Variants in MAGI2 observed in about 807,000 individuals in gnomAD.
MAGI2 encodes the protein membrane associated guanylate kinase, WW and PDZ domain containing 2.
A neutral mutation model predicts 133.3 loss-of-function variants in MAGI2; 35 were observed. The observed-to-expected ratio is 0.26, with a 90% confidence interval of 0.20 to 0.35. MAGI2 has a LOEUF of 0.35. MAGI2 is among the 10% of genes least tolerant of loss of function. The pLI, the probability that MAGI2 is intolerant of heterozygous loss-of-function variation, is 1.00. For missense variants in MAGI2, 1,636 were observed against 1,863.4 expected (o/e 0.88, Z 2.25); for synonymous variants, 729 against 710.6 (o/e 1.03, Z -0.41).
intron 7 of MAGI2, among the ~76,000 whole-genome samples, chr7:78,348,974 A>T (rs1791206718): frequency 6.6e-6 from 1 of 152,224 alleles, no homozygotes; most frequent in Non-Finnish European, 1.5e-5. Flanking sequence ...CACCGAAGCC[A>T]GTTGTTTAGA....
At chr7:79,005,050 C>G (rs1425687144) in intron 2 of MAGI2, among the ~76,000 whole-genome samples, 1 of 150,604 alleles carries the variant, frequency 6.6e-6, no homozygotes, top group Non-Finnish European at 1.5e-5. Context: ...CCATTGCACT[C>G]CAGCCTGGGT....
At chr7:78,270,345 A>C (rs1484290396) in intron 9 of MAGI2, among the ~76,000 whole-genome samples, 3 of 152,118 alleles carry the variant, frequency 2.0e-5, no homozygotes. Context: ...GAGTCTATAA[A>C]TTATCTTGGG....
At chr7:79,451,621 C>CA (rs1849257355) in intron 1 of MAGI2, among the ~76,000 whole-genome samples, 1 of 152,180 alleles carries the variant, frequency 6.6e-6, no homozygotes, top group Non-Finnish European at 1.5e-5. Context: ...AAACCTTGCC[C>CA]AGTACTTCTT....
intron 2 of MAGI2, among the ~76,000 whole-genome samples, chr7:78,734,587 A>C (rs1821672303): frequency 6.6e-6 from 1 of 152,190 alleles, no homozygotes; most frequent in African/African-American, 2.4e-5. Context: ...ACCCTATGTG[A>C]CCCGCTTCAG....
chr7:78,951,742 C>A (rs1801891092), intron 2 of MAGI2, among the ~76,000 whole-genome samples: 1 of 152,142 alleles, frequency 6.6e-6, no homozygotes, highest in South Asian at 2.1e-4. Flanking sequence ...TCTTTTAATT[C>A]ATGACATTAA....
chr7:79,408,614 G>A (rs1845960228), intron 1 of MAGI2, among the ~76,000 whole-genome samples: 1 of 152,044 alleles, frequency 6.6e-6, no homozygotes, highest in African/African-American at 2.4e-5. Context: ...TGCATCAAAA[G>A]TATGAAACTA....
intron 4 of MAGI2, among the ~76,000 whole-genome samples, chr7:78,507,181 C>G (rs1795162954): frequency 6.6e-6 from 1 of 152,008 alleles, no homozygotes; most frequent in Non-Finnish European, 1.5e-5. Context: ...TAGCACCTAC[C>G]TCTCCCATCT....
intron 2 of MAGI2, among the ~76,000 whole-genome samples, chr7:78,913,375 C>T (rs750263708): frequency 1.2e-4 from 19 of 152,126 alleles, no homozygotes; most frequent in Non-Finnish European, 1.5e-4. Flanking sequence ...TCTTGCTCCT[C>T]CTCCAGCCAT....
Position 79,443,597 on chromosome 7 carries a change from T to A in MAGI2, c.301+9423A>T, listed in dbSNP as rs545394297. 2.6e-5 allele frequency among the ~76,000 whole-genome samples: 4 copies of A among 152,266 alleles called. No individual in the cohort carries two copies. In the South Asian group the frequency reaches 6.2e-4, roughly 24 times the overall value. On this transcript the variant is annotated intron_variant, in intron 1 of 21. Coordinates refer to ENST00000354212, the MANE Select transcript of MAGI2 (RefSeq NM_012301.4). ...TCCACATAGCAACACAAAATACTCA[T>A]ATAAGCAAAAATACTCACTTGTAAA...
chr7:79,148,858 A>G (rs1446162681), intron 1 of MAGI2, among the ~76,000 whole-genome samples: 1 of 147,346 alleles, frequency 6.8e-6, no homozygotes, highest in East Asian at 2.0e-4. Flanking sequence ...TTATATATAT[A>G]TATGTATGTT....
rs558367229 is a variant in MAGI2 at position 78,354,436 on chromosome 7, G to A, written c.1104-8393C>T. 3.3e-5 allele frequency among the ~76,000 whole-genome samples: 5 copies of A among 152,228 alleles called. No homozygotes were observed. In the South Asian group the frequency reaches 8.3e-4, roughly 25 times the overall value. On this transcript the variant is annotated intron_variant, in intron 7 of 21. Transcript: ENST00000354212. ...AATTACCAAGGACACTCAGAATACCGGGCAATGGCAAAGGCAACATCACTG... is the reference window on the plus strand; with the variant it reads ...AATTACCAAGGACACTCAGAATACCAGGCAATGGCAAAGGCAACATCACTG...
At chr7:79,161,406 G>A (rs566195614) in intron 1 of MAGI2, among the ~76,000 whole-genome samples, 3 of 152,018 alleles carry the variant, frequency 2.0e-5, no homozygotes, top group Admixed American at 6.6e-5. Flanking sequence ...TGTACTTTTC[G>A]ATAACAATGA....
chr7:78,430,859 C>T (rs1409470208), intron 6 of MAGI2, among the ~76,000 whole-genome samples: 1 of 152,048 alleles, frequency 6.6e-6, no homozygotes, highest in Admixed American at 6.6e-5. Flanking sequence ...AACCAGGATC[C>T]CTAGTTGACT....
chr7:79,034,129 T>C (rs953406857), intron 1 of MAGI2, among the ~76,000 whole-genome samples: 4 of 152,204 alleles, frequency 2.6e-5, no homozygotes, highest in African/African-American at 9.6e-5. Context: ...GCTATCATAA[T>C]GCCACTGAGT....
At chr7:79,150,732 A>T (rs1224422634) in intron 1 of MAGI2, among the ~76,000 whole-genome samples, 1 of 152,018 alleles carries the variant, frequency 6.6e-6, no homozygotes, top group Non-Finnish European at 1.5e-5. Flanking sequence ...CATCAATTCA[A>T]ATATTTCAGG....
At chr7:79,294,523 C>G (rs1836761072) in intron 1 of MAGI2, among the ~76,000 whole-genome samples, 1 of 152,042 alleles carries the variant, frequency 6.6e-6, no homozygotes, top group Admixed American at 6.6e-5. Context: ...ACAGGCCTGT[C>G]TGTCAGAGAT....
At chr7:78,736,161 T>C (rs112339444) in intron 2 of MAGI2, among the ~76,000 whole-genome samples, 1 of 152,184 alleles carries the variant, frequency 6.6e-6, no homozygotes, top group African/African-American at 2.4e-5. Flanking sequence ...CTGAAAAGAA[T>C]CACATATTCA....
intron 3 of MAGI2, 94 bp downstream of exon 3, chr7:78,627,026 C>A (rs38116): frequency 7.7e-7 from 1 of 1,297,138 alleles, no homozygotes; most frequent in South Asian, 2.4e-5. Context: ...AAACCCAAAA[C>A]AGCCCATTAG....
intron 2 of MAGI2, among the ~76,000 whole-genome samples, chr7:78,947,913 C>A (rs1801553515): frequency 6.6e-6 from 1 of 151,962 alleles, no homozygotes; most frequent in African/African-American, 2.4e-5. Flanking sequence ...AATTTGTCAC[C>A]AATGATGATA....
Sources: allele counts gnomAD v4.1 joint callset (sites outside exome capture counted in the v4.1 genomes callset), GRCh38; gene constraint gnomAD v4.1.1; transcripts MANE v1.5; gene names NCBI Gene and HGNC (gene_info 2026-07-23, HGNC 2026-07-21).